Variants in GDA observed in about 807,000 individuals in gnomAD.
The protein encoded by GDA is guanine deaminase.
A neutral mutation model predicts 59.6 loss-of-function variants in GDA; 18 were observed. The observed-to-expected ratio is 0.30, with a 90% CI of 0.21 to 0.45. GDA has a LOEUF of 0.45. GDA is among the 20% of genes least tolerant of loss of function. The pLI is 1.00. For synonymous variants in GDA, 201 were observed against 201.1 expected, an observed-to-expected ratio of 1.00 and a Z score of 0.00; for missense variants, 427 against 552.3, an observed-to-expected ratio of 0.77 and a Z score of 2.27.
In GDA at chr9:72,121,368, C is replaced by T. The variant is rs543419468; in HGVS notation, c.-100+6535C>T. 1.1e-4 allele frequency among the ~76,000 whole-genome samples: 17 copies of T among 152,248 alleles called. No homozygotes were observed. In the East Asian group the frequency reaches 2.3e-3, roughly 21 times the overall value. ...GTCCCAGCACTTTGGGAAGCCAAAG[C>T]GGGTGGATCACCTGAGGTCAGGAGT... On this transcript the variant is annotated intron_variant, in intron 1 of 13. Transcript: ENST00000545168.
At position 72,222,926 on chromosome 9, in the gene GDA, C is replaced by T. The variant is rs181406270; in HGVS notation, c.607-194C>T. Among the ~76,000 whole-genome samples the T allele has an allele frequency of 4.6e-5, 7 of 152,180 alleles. No homozygotes were observed. The South Asian group carries it at 6.2e-4, about 14-fold the overall frequency. On this transcript the variant is annotated intron_variant, in intron 6 of 13. Coordinates refer to ENST00000358399, the MANE Select transcript of GDA (RefSeq NM_004293.5). ...TTCTCCATGTTGGTCAGGCTGGTCT[C>T]GAACTCCCGGCCCTCAGGTGATCCA...
chr9:72,256,940 G>A (rs1046718046), downstream of GDA: 1 of 152,304 alleles, frequency 6.6e-6, no homozygotes, highest in Non-Finnish European at 1.5e-5. Context: ...TGGGTCTCAC[G>A]TACATTGGTG....
chr9:72,117,628 T>G (rs1216162828), intron 1 of GDA, among the ~76,000 whole-genome samples: 1 of 152,190 alleles, frequency 6.6e-6, no homozygotes, highest in Non-Finnish European at 1.5e-5. Context: ...TCACCTTTTG[T>G]AAAAGTGAGG....
chr9:72,248,227 T>C, intron 13 of GDA, 45 bp from the exon 14 acceptor site: 1 of 1,313,170 alleles, frequency 7.6e-7, no homozygotes, highest in Non-Finnish European at 1.1e-6. Context: ...AGATACTTAT[T>C]GACACAAAAG....
intron 1 of GDA, among the ~76,000 whole-genome samples, chr9:72,193,305 G>T (rs763314558): frequency 6.6e-6 from 1 of 152,214 alleles, no homozygotes; most frequent in Non-Finnish European, 1.5e-5. Flanking sequence ...AAGGACTTTG[G>T]TGTTGTGATC....
intron 10 of GDA, among the ~76,000 whole-genome samples, chr9:72,234,314 T>C (rs960664546): frequency 6.6e-6 from 1 of 152,156 alleles, no homozygotes. Flanking sequence ...GTGATGGAAA[T>C]GTTTAATATC....
chr9:72,247,254 A>G, intron 12 of GDA, 152 bp from the exon 13 acceptor site: 1 of 673,596 alleles, frequency 1.5e-6, no homozygotes, highest in South Asian at 1.6e-5. Context: ...TTTATAAAGC[A>G]CATAGCCACT....
chr9:72,156,012 C>T (rs937486777), intron 1 of GDA, among the ~76,000 whole-genome samples: 2 of 152,100 alleles, frequency 1.3e-5, no homozygotes, highest in Admixed American at 6.6e-5. Context: ...TAGACTTCAG[C>T]GGTTATTGTC....
intron 1 of GDA, among the ~76,000 whole-genome samples, chr9:72,187,014 T>C (rs1831939163): frequency 6.6e-6 from 1 of 152,232 alleles, no homozygotes; most frequent in Non-Finnish European, 1.5e-5. Flanking sequence ...TGCATATATA[T>C]TCCTATTTTT....
At chr9:72,168,840 T>C (rs1160598103) in intron 1 of GDA, among the ~76,000 whole-genome samples, 2 of 152,214 alleles carry the variant, frequency 1.3e-5, no homozygotes, top group Admixed American at 1.3e-4. Context: ...TTGAGTGCCT[T>C]GTTGAAGGTC....
intron 8 of GDA, 75 bp downstream of exon 8, chr9:72,225,859 C>A: frequency 1.5e-6 from 1 of 654,842 alleles, no homozygotes; most frequent in South Asian, 2.2e-5. Flanking sequence ...CAATAGTAAT[C>A]TTCAGATTTC....
intron 1 of GDA, among the ~76,000 whole-genome samples, chr9:72,156,341 TGA>T (rs1827887695): frequency 1.3e-5 from 2 of 152,210 alleles, no homozygotes; most frequent in Admixed American, 1.3e-4. Context: ...CTTTCTCACC[TGA>T]GGCTACTTTA....
chr9:72,126,623 G>T (rs1233355953), intron 1 of GDA, among the ~76,000 whole-genome samples: 1 of 149,408 alleles, frequency 6.7e-6, no homozygotes, highest in Non-Finnish European at 1.5e-5. Context: ...CTGGAGTGCA[G>T]CGGCGCGATC....
rs549137153 is a variant in GDA, at chr9:72,175,309, G to T, written c.124-20191G>T. On this transcript the variant is annotated intron_variant, in intron 1 of 13. Transcript: ENST00000358399. ...AGCCTTCCAAAGTGCTGGGATCACA[G>T]GGGTGAACCACCACACCCAGCCCCA... Among the ~76,000 whole-genome samples, 15 of 152,256 alleles carry T rather than the reference G, an allele frequency of 9.9e-5. 1 individual carries two copies. Among genetic ancestry groups the T allele is most frequent in the African/African-American group, 3.6e-4 (15 of 41,536 alleles).
chr9:72,206,335 G>A (rs951642236), intron 3 of GDA, among the ~76,000 whole-genome samples: 3 of 151,188 alleles, frequency 2.0e-5, no homozygotes, highest in Non-Finnish European at 4.4e-5. Flanking sequence ...TTTTTGCTAC[G>A]TCCTATGTTA....
chr9:72,238,597 G>A (rs1252593187), intron 10 of GDA, among the ~76,000 whole-genome samples: 1 of 152,210 alleles, frequency 6.6e-6, no homozygotes, highest in African/African-American at 2.4e-5. Flanking sequence ...ACATACCTAT[G>A]AAATCATTTT....
intron 6 of GDA, among the ~76,000 whole-genome samples, chr9:72,222,224 A>C (rs1187345087): frequency 6.6e-6 from 1 of 152,012 alleles, no homozygotes; most frequent in Non-Finnish European, 1.5e-5. Context: ...AGTATCTGCT[A>C]TTTTTCTGAC....
intron 1 of GDA, among the ~76,000 whole-genome samples, chr9:72,119,084 AAT>A (rs1825569841): frequency 6.6e-6 from 1 of 152,356 alleles, no homozygotes; most frequent in East Asian, 1.9e-4. Flanking sequence ...ATAAATAAAA[AAT>A]ATGAGTTATA....
At chr9:72,230,182 T>C (rs1315920603) in intron 9 of GDA, among the ~76,000 whole-genome samples, 1 of 152,174 alleles carries the variant, frequency 6.6e-6, no homozygotes, top group African/African-American at 2.4e-5. Flanking sequence ...CACCTTAGTT[T>C]TCCTTTGTCT....
Sources: allele counts gnomAD v4.1 joint callset (sites outside exome capture counted in the v4.1 genomes callset), GRCh38; gene constraint gnomAD v4.1.1; transcripts MANE v1.5; gene names NCBI Gene and HGNC (gene_info 2026-07-23, HGNC 2026-07-21).